CIB1: variants seen among roughly 807,000 people sequenced by gnomAD.
CIB1 encodes the protein calcium and integrin-binding protein 1.
A neutral mutation model predicts 25.0 loss-of-function variants in CIB1; 19 were observed. The observed-to-expected ratio is 0.76, with a 90% CI of 0.53 to 1.12. The LOEUF (loss-of-function observed/expected upper bound fraction) is 1.12. Among genes scored for constraint, CIB1 ranks in the 50% most tolerant of loss-of-function variants. The probability of loss-of-function intolerance (pLI) is 0.00; values close to 1 mark genes in which losing one functional copy is unlikely to be tolerated. For missense variants in CIB1, 236 were observed against 242.6 expected, an observed-to-expected ratio of 0.97 and a Z score of 0.18; for synonymous variants, 104 against 98.5, an observed-to-expected ratio of 1.06 and a Z score of -0.33.
At chr15:90,253,066 C>T in the CIB1 span, among the ~76,000 whole-genome samples, 1 of 152,050 alleles carries the variant, frequency 6.6e-6, no homozygotes, top group South Asian at 2.1e-4. Flanking sequence ...TTGGAAGGGC[C>T]CTGACAGCCC....
At chr15:90,250,070 C>T in the CIB1 span, among the ~76,000 whole-genome samples, 28,582 of 151,398 alleles carry the variant, frequency 0.19, 3,229 homozygotes, top group African/African-American at 0.3. Flanking sequence ...TGATTCTCCT[C>T]CCTCAGCCTC....
At chr15:90,257,829 T>C in the CIB1 span, 3 of 1,158,562 alleles carry the variant, frequency 2.6e-6, no homozygotes, top group Non-Finnish European at 3.8e-6. Flanking sequence ...CCAGGGAAAC[T>C]CAGCCTTTAT....
the CIB1 span, chr15:90,251,610 G>A: frequency 8.0e-3 from 12,889 of 1,613,082 alleles, 78 homozygotes; most frequent in Non-Finnish European, 9.4e-3. Flanking sequence ...CACCCAGCCC[G>A]TCGCTCACAC....
chr15:90,241,225 G>A, the CIB1 span: 3 of 1,614,042 alleles, frequency 1.9e-6, no homozygotes, highest in Non-Finnish European at 2.5e-6. Context: ...GGTGTGCAGA[G>A]GAGGCCCCCG....
At chr15:90,238,042 G>C (rs1000915361), upstream of CIB1, among the ~76,000 whole-genome samples, 1 of 152,220 alleles carries the variant, frequency 6.6e-6, no homozygotes, top group Non-Finnish European at 1.5e-5. Flanking sequence ...GCTCACGCCT[G>C]TAATCCCAGC....
At chr15:90,232,952 G>A (rs895152787) in intron 2 of CIB1, among the ~76,000 whole-genome samples, 21 of 150,712 alleles carry the variant, frequency 1.4e-4, no homozygotes, top group East Asian at 7.8e-4. Context: ...ACGGAGAAAA[G>A]AGCAAAACCA....
chr15:90,245,692 A>G, the CIB1 span: 12 of 152,244 alleles, frequency 7.9e-5, no homozygotes, highest in Non-Finnish European at 1.6e-4. Flanking sequence ...TGATAAGCCA[A>G]ATATCAGGAT....
the CIB1 span, chr15:90,265,360 C>A: frequency 8.1e-7 from 1 of 1,228,120 alleles, no homozygotes; most frequent in Non-Finnish European, 1.0e-6. Flanking sequence ...AGAAGACTGC[C>A]GAGCGGAAGC....
At position 90,231,468 on chromosome 15, in the gene CIB1, T is replaced by C. The variant is rs1567068773; in HGVS notation, c.235A>G (p.Thr79Ala). 6 of 1,614,204 alleles carry C rather than the reference T, an allele frequency of 3.7e-6. No homozygotes were observed. Among genetic ancestry groups the C allele is most frequent in the Non-Finnish European group, 4.2e-6 (5 of 1,180,026 alleles). ...FKERICRVFS[T>A]SPAKDSLSFE... The stretch of plus-strand genomic sequence containing the variant: ...CTAAGGCTGTCTTTGGCTGGGGATG[T>C]GGAGAAGACCCTGCAGATTCGCTCC... Residue 79 changes from threonine (T) to alanine (A), a missense_variant, in exon 4 of 7, where the codon ACA becomes GCA. Coordinates refer to ENST00000328649, the MANE Select transcript of CIB1 (RefSeq NM_006384.4).
At chr15:90,246,257 A>G in the CIB1 span, among the ~76,000 whole-genome samples, 1 of 152,012 alleles carries the variant, frequency 6.6e-6, no homozygotes, top group Admixed American at 6.6e-5. Flanking sequence ...TGGGTGACAG[A>G]GCGAGACTCC....
chr15:90,241,625 C>G, the CIB1 span: 3 of 1,614,148 alleles, frequency 1.9e-6, no homozygotes, highest in Non-Finnish European at 1.7e-6. Flanking sequence ...AGCCCCTGGA[C>G]CCTGGAGGCC....
intron 2 of CIB1, among the ~76,000 whole-genome samples, chr15:90,233,232 A>C (rs1962545435): frequency 6.6e-6 from 1 of 152,276 alleles, no homozygotes; most frequent in Non-Finnish European, 1.5e-5. Context: ...TAGGTAACGC[A>C]GGCAACCATT....
chr15:90,262,348 T>C, the CIB1 span: 1 of 1,139,786 alleles, frequency 8.8e-7, no homozygotes. Context: ...GTTTAGTAGG[T>C]TTCCTATCTT....
At chr15:90,264,717 CAGA>C in the CIB1 span, 1 of 1,535,670 alleles carries the variant, frequency 6.5e-7, no homozygotes, top group Non-Finnish European at 8.7e-7. Context: ...GTTTCCACTG[CAGA>C]AGGACAAGCC....
At chr15:90,256,214 C>G in the CIB1 span, 1 of 1,614,206 alleles carries the variant, frequency 6.2e-7, no homozygotes, top group Admixed American at 1.7e-5. Flanking sequence ...CAGTGGCTGT[C>G]AGGGACGTGG....
chr15:90,262,829 G>A, the CIB1 span: 1 of 1,240,610 alleles, frequency 8.1e-7, no homozygotes, highest in Non-Finnish European at 1.1e-6. Flanking sequence ...TGAAGTGAGA[G>A]AATGGACAGC....
chr15:90,263,214 G>A, the CIB1 span: 68 of 1,384,602 alleles, frequency 4.9e-5, no homozygotes, highest in East Asian at 1.7e-3. Context: ...CATGGTGTTG[G>A]TCTCAACAAA....
At chr15:90,247,727 A>G in the CIB1 span, among the ~76,000 whole-genome samples, 1 of 144,968 alleles carries the variant, frequency 6.9e-6, no homozygotes, top group Non-Finnish European at 1.5e-5. Context: ...ATTCCATCAA[A>G]GATTTTTTTG....
chr15:90,234,772 A>G (rs1244056087), upstream of CIB1, among the ~76,000 whole-genome samples: 1 of 152,160 alleles, frequency 6.6e-6, no homozygotes. Context: ...TCTCACCCCT[A>G]GACTGCTGAC....
Sources: allele counts gnomAD v4.1 joint callset (sites outside exome capture counted in the v4.1 genomes callset), GRCh38; gene constraint gnomAD v4.1.1; transcripts MANE v1.5; gene names NCBI Gene and HGNC (gene_info 2026-07-23, HGNC 2026-07-21).